The following AP3D1 variants were observed in gnomAD, a reference collection of about 807,000 sequenced individuals.
AP3D1 encodes adaptor related protein complex 3 subunit delta 1.
Under a neutral mutation model 147.6 loss-of-function variants are expected in AP3D1, and 51 were observed. The ratio of observed to expected loss-of-function variants is 0.35; its 90% CI spans 0.28 to 0.44. AP3D1 has a LOEUF of 0.44. Among genes scored for constraint, AP3D1 ranks in the 20% least tolerant of loss-of-function variants. The pLI, the probability that AP3D1 is intolerant of heterozygous loss-of-function variation, is 1.00. For missense variants in AP3D1, 1,421 were observed against 1,624.2 expected (o/e 0.87, Z 2.15); for synonymous variants, 760 against 663.0 (o/e 1.15, Z -2.25).
At position 2,101,054 on chromosome 19, in the gene AP3D1, GTC is replaced by G. The variant is rs1280317632; in HGVS notation, c.*1117_*1118del. The G allele has an allele frequency of 1.3e-5, 2 of 152,500 alleles. No individual in the cohort carries two copies. Among genetic ancestry groups the G allele is most frequent in the Admixed American group, 6.5e-5 (1 of 15,276 alleles). 9.4% of individuals were successfully genotyped at this position (152,500 alleles called of 1,614,324 possible). On this transcript the variant is annotated 3_prime_UTR_variant, in exon 32 of 32. Coordinates refer to ENST00000643116, the MANE Select transcript of AP3D1 (RefSeq NM_001261826.3). The stretch of plus-strand genomic sequence containing the variant: ...CAAAATCATGACAGCAGCGTGATAT[GTC>G]TCTCTCTTTATACGGGAATGTCGAT...
At chr19:2,103,287 G>A (rs2018010603) in intron 31 of AP3D1, among the ~76,000 whole-genome samples, 1 of 152,142 alleles carries the variant, frequency 6.6e-6, no homozygotes, top group Non-Finnish European at 1.5e-5. Flanking sequence ...CCGTGGGAGG[G>A]GCTCCAGCCT....
intron 17 of AP3D1, 49 bp from the exon 18 acceptor site, chr19:2,116,327 C>T (rs1009806181): frequency 5.7e-6 from 9 of 1,569,428 alleles, no homozygotes; most frequent in South Asian, 1.1e-5. Context: ...GCAGGATACC[C>T]CTCTGTGGAC....
chr19:2,136,380 G>A (rs2238597), intron 4 of AP3D1, among the ~76,000 whole-genome samples: 9,237 of 152,246 alleles, frequency 0.061, 469 homozygotes, highest in East Asian at 0.16. Flanking sequence ...TTGGAGAGCC[G>A]GGACCGTGGC....
rs543244019 is a variant in AP3D1 at position 2,109,764 on chromosome 19, G to A, written c.3350+109C>T. 93 of 1,070,606 alleles carry A rather than the reference G, an allele frequency of 8.7e-5. No homozygotes were observed. The African/African-American group carries it at 1.1e-3, about 12-fold the overall frequency. 66.3% of individuals were successfully genotyped at this position (1,070,606 alleles called of 1,614,324 possible). On this transcript the variant is annotated intron_variant, in intron 29 of 31. Coordinates refer to ENST00000643116, the MANE Select transcript of AP3D1 (RefSeq NM_001261826.3). ...GTCACGAGCCAGCGCCTCCAAATCC[G>A]TCTCTAAAGTCCTGCCCAGAAGCCT...
rs773387498 is a variant in AP3D1, at chr19:2,113,350, G to C, written c.2665C>G (p.Pro889Ala). Residue 889 changes from proline to alanine, a missense_variant, in exon 23 of 32, where the codon CCC becomes GCC. Around this residue, in one of 6 missense-constraint regions of AP3D1, gnomAD observed 791 missense variants for 761.4 expected, o/e 1.04. Transcript: ENST00000643116. Reference sequence around the variant, plus strand: ...CAGTCTCTTACCGTGGATGGAACGGGGGCGGGGGCGGGGGCGGGGGCAGGC... The same window carrying C: ...CAGTCTCTTACCGTGGATGGAACGGCGGCGGGGGCGGGGGCGGGGGCAGGC... The part of the protein sequence containing the change: ...PPPAPAPAPA[P>A]VPSTGELSVN... 403 of 1,429,808 alleles carry C rather than the reference G, an allele frequency of 2.8e-4. No homozygotes were observed. The highest frequency in any genetic ancestry group is 3.6e-4 in the Non-Finnish European group (389 of 1,077,102). The allele number at this position is 1,429,808 out of a possible 1,614,324, so 88.6% of individuals were successfully genotyped here.
chr19:2,129,284 G>A (rs760942793), intron 7 of AP3D1, 34 bp downstream of exon 7: 2 of 1,613,758 alleles, frequency 1.2e-6, no homozygotes, highest in African/African-American at 1.3e-5. Flanking sequence ...GCCCCACACA[G>A]GGTGAGGAGG....
At chr19:2,107,778 A>T (rs1456643199) in intron 31 of AP3D1, among the ~76,000 whole-genome samples, 2 of 150,326 alleles carry the variant, frequency 1.3e-5, no homozygotes, top group Admixed American at 6.6e-5. Context: ...AAATGGTTCT[A>T]CCCAGGAGAA....
chr19:2,126,941 C>T (rs1016619578), intron 9 of AP3D1, among the ~76,000 whole-genome samples: 10 of 152,158 alleles, frequency 6.6e-5, no homozygotes, highest in African/African-American at 2.4e-4. Flanking sequence ...GCACCAATGG[C>T]GGTGGAAGAC....
In AP3D1 at chr19:2,137,097, A is replaced by C; in HGVS notation, c.274-6T>G. On this transcript the variant is annotated splice_region_variant and splice_polypyrimidine_tract_variant and intron_variant, in intron 3 of 31. Coordinates refer to ENST00000643116, the MANE Select transcript of AP3D1 (RefSeq NM_001261826.3). The stretch of plus-strand genomic sequence containing the variant: ...GCAGCGAGGTAGCCAATTCGCTGGG[A>C]GAGAACAGATGAGCACATCAGAGGC... The C allele has an allele frequency of 6.3e-7, 1 of 1,578,250 alleles. No homozygotes were observed. The highest frequency in any genetic ancestry group is 8.6e-7 in the Non-Finnish European group (1 of 1,162,216).
At chr19:2,159,480 C>T (rs1043283415) in intron 1 of AP3D1, among the ~76,000 whole-genome samples, 15 of 151,930 alleles carry the variant, frequency 9.9e-5, no homozygotes, top group Non-Finnish European at 2.2e-4. Context: ...GCTCCGCCTC[C>T]CGGGTTCAAG....
intron 11 of AP3D1, 62 bp downstream of exon 11, chr19:2,123,296 G>T: frequency 6.6e-7 from 1 of 1,520,574 alleles, no homozygotes; most frequent in Non-Finnish European, 9.1e-7. Flanking sequence ...ACACTAGGAG[G>T]ACCCCTAACT....
At chr19:2,112,698 A>G (rs986487521) in intron 24 of AP3D1, 162 bp downstream of exon 24, 2 of 566,272 alleles carry the variant, frequency 3.5e-6, no homozygotes, top group Non-Finnish European at 3.1e-6. Context: ...TATTAAAAAA[A>G]CACAAGACCA....
rs139641431 is a variant in AP3D1 at position 2,120,337 on chromosome 19, G to T, written c.1481+525C>A. Among the ~76,000 whole-genome samples, 472 of 152,230 alleles carry T rather than the reference G, an allele frequency of 3.1e-3. 5 individuals are homozygous for T. Among genetic ancestry groups the T allele is most frequent in the African/African-American group, 0.011 (449 of 41,546 alleles). On this transcript the variant is annotated intron_variant, in intron 14 of 31. Transcript: ENST00000643116. ...TCCTGGAGACGGCAGGGGCAGTGTC[G>T]ATAAGACCCATCCCTGCGGCCCACC...
At chr19:2,123,987 G>A (rs1428375044) in intron 9 of AP3D1, 108 bp from the exon 10 acceptor site, 5 of 1,255,584 alleles carry the variant, frequency 4.0e-6, no homozygotes, top group East Asian at 5.1e-5. Flanking sequence ...AGGGATGGGA[G>A]GGAGGACAGA....
At chr19:2,158,823 A>C (rs1006619541) in intron 1 of AP3D1, among the ~76,000 whole-genome samples, 24 of 152,136 alleles carry the variant, frequency 1.6e-4, no homozygotes, top group Non-Finnish European at 1.0e-4. Flanking sequence ...CAGGCAAGAA[A>C]GGAGTTTGTT....
intron 31 of AP3D1, among the ~76,000 whole-genome samples, chr19:2,105,572 G>C (rs1278347507): frequency 6.6e-6 from 1 of 152,200 alleles, no homozygotes; most frequent in African/African-American, 2.4e-5. Context: ...CTAATGACTG[G>C]CTTGCTGTTA....
At chr19:2,123,140 A>T (rs1029577272) in intron 11 of AP3D1, among the ~76,000 whole-genome samples, 2 of 152,214 alleles carry the variant, frequency 1.3e-5, no homozygotes, top group African/African-American at 4.8e-5. Context: ...TGGGGCTCAG[A>T]GGAGCTGGTG....
chr19:2,109,255 G>C (rs774421209), intron 29 of AP3D1, 48 bp from the exon 30 acceptor site: 1 of 1,523,522 alleles, frequency 6.6e-7, no homozygotes, highest in Non-Finnish European at 8.8e-7. Flanking sequence ...GGGCTCCTCA[G>C]GCTTCCTGGC....
chr19:2,115,135 G>A, intron 20 of AP3D1, 84 bp downstream of exon 20: 1 of 1,401,154 alleles, frequency 7.1e-7, no homozygotes, highest in Non-Finnish European at 9.8e-7. Flanking sequence ...GAAGACCATG[G>A]GGAGAGGCCA....
Sources: allele counts gnomAD v4.1 joint callset (sites outside exome capture counted in the v4.1 genomes callset), GRCh38; gene constraint gnomAD v4.1.1; regional missense constraint gnomAD v4.1.1; transcripts MANE v1.5; gene names NCBI Gene and HGNC (gene_info 2026-07-23, HGNC 2026-07-21).